The following PIK3C2B variants were observed in gnomAD, a reference collection of about 807,000 sequenced individuals.
PIK3C2B encodes phosphatidylinositol 4-phosphate 3-kinase C2 domain-containing subunit beta.
PIK3C2B carries 83 observed loss-of-function variants against 184.3 expected under a neutral mutation model. That is an observed-to-expected ratio of 0.45 (90% confidence interval 0.38 to 0.54). The LOEUF (loss-of-function observed/expected upper bound fraction) is 0.54, where lower values mean the gene tolerates loss of function less well. PIK3C2B is among the 20% of genes least tolerant of loss of function. PIK3C2B has a pLI of 0.00. For missense variants in PIK3C2B, 1,736 were observed against 2,113.5 expected (o/e 0.82, Z 3.50); for synonymous variants, 779 against 837.6 (o/e 0.93, Z 1.21).
intron 10 of PIK3C2B, chr1:204,456,306 TA>T (rs1350697726): frequency 1.7e-5 from 6 of 347,314 alleles, no homozygotes; most frequent in African/African-American, 2.1e-5. Flanking sequence ...TACTTAGCAT[TA>T]AAATGTCCTT....
Position 204,438,893 on chromosome 1 carries a change from G to GCA in PIK3C2B, c.3516+40_3516+41dup, listed in dbSNP as rs548441991. 1,542 of 1,543,302 alleles carry GCA rather than the reference G, an allele frequency of 1.0e-3. 9 individuals carry two copies. In the African/African-American group the frequency reaches 0.015, roughly 15 times the overall value. ...TTAAAGAGCTGTGTGCCGGCATCAG[G>GCA]CACACACACACACCAGACGCACTCC... On this transcript the variant is annotated intron_variant, in intron 23 of 32. Coordinates refer to ENST00000684373, the MANE Select transcript of PIK3C2B (RefSeq NM_001377334.1).
At position 204,460,384 on chromosome 1, in the gene PIK3C2B, G is replaced by A. The variant is rs767987737; in HGVS notation, c.1442C>T (p.Pro481Leu). 32 of 1,613,824 alleles carry A rather than the reference G, an allele frequency of 2.0e-5. No homozygotes were observed. The highest frequency in any genetic ancestry group is 2.7e-5 in the Non-Finnish European group (32 of 1,179,894). ...ATGGACGAGGTAGTTCAAGGTGGAG[G>A]GGCTCTGGTCATCATTCACCTGTAT... ...LARTVNDDQS[P>L]STLNYLVHLQ... Residue 481 changes from proline to leucine, a missense_variant, in exon 7 of 33, where the codon CCC becomes CTC. Transcript: ENST00000684373.
In PIK3C2B at chr1:204,494,729, G is replaced by A. The variant is rs1658258426; in HGVS notation, c.-458C>T. 6.6e-6 allele frequency: 1 copy of A among 152,206 alleles called. No individual in the cohort carries two copies. 9.4% of individuals were successfully genotyped at this position (152,206 alleles called of 1,614,324 possible). A position where few individuals can be genotyped will look rare whatever the true frequency, so the allele number is the denominator to read the frequency against. ...CTCCCGGACACCCGGCGCACTGCAC[G>A]GCGACGCGACGCTCGGCCAGACCCT... On this transcript the variant is annotated 5_prime_UTR_variant, in exon 1 of 33. Transcript: ENST00000684373.
chr1:204,430,661 GTTGT>G (rs143094894), intron 28 of PIK3C2B, among the ~76,000 whole-genome samples: 21,351 of 149,346 alleles, frequency 0.14, 1,970 homozygotes, highest in African/African-American at 0.27. Flanking sequence ...CATTTAAAAA[GTTGT>G]TTGTTTGTTT....
intron 4 of PIK3C2B, 110 bp downstream of exon 4, chr1:204,464,340 T>C: frequency 8.2e-7 from 1 of 1,216,206 alleles, no homozygotes; most frequent in Non-Finnish European, 1.2e-6. Flanking sequence ...AGGAGCATCC[T>C]CACTGCCCTT....
intron 12 of PIK3C2B, among the ~76,000 whole-genome samples, chr1:204,454,376 G>A (rs970659356): frequency 6.6e-6 from 1 of 151,814 alleles, no homozygotes; most frequent in Non-Finnish European, 1.5e-5. Context: ...CAGCTACTCG[G>A]GAGGCTGAGA....
intron 2 of PIK3C2B, 49 bp downstream of exon 2, chr1:204,468,821 T>A: frequency 6.8e-7 from 1 of 1,479,332 alleles, no homozygotes; most frequent in Non-Finnish European, 9.2e-7. Context: ...TCCCTGTTTC[T>A]GAAGGACATG....
chr1:204,433,815 A>T lies in PIK3C2B; in HGVS notation c.3821T>A (p.Leu1274His). 6.2e-7 allele frequency: 1 copy of T among 1,614,174 alleles called. No homozygotes were observed. The highest frequency in any genetic ancestry group is 8.5e-7 in the Non-Finnish European group (1 of 1,179,996). Reference protein sequence around the residue: ...AYNLIRKHTHLFLNLLGLMLS... With the variant: ...AYNLIRKHTHHFLNLLGLMLS... ...CACCAGGCCCAGAAGGTTGAGGAAG[A>T]GGTGGGTGTGCTTGCGAATGAGGTT... The change falls in exon 25 of 33, where the codon CTC (leucine) becomes CAC (histidine). Residue 1274 changes from leucine (L) to histidine (H), a missense_variant. Physicochemically the swap from Leu to His is moderately conservative, Grantham distance 99 (BLOSUM62 -3). Around this residue, in one of 8 missense-constraint regions of PIK3C2B, gnomAD observed 119 missense variants for 179.3 expected, o/e 0.66. Coordinates refer to ENST00000684373, the MANE Select transcript of PIK3C2B (RefSeq NM_001377334.1). This position sits in a 1 kb window ranked among gnomAD's most constrained non-coding sequence, Gnocchi z 5.0.
intron 31 of PIK3C2B, among the ~76,000 whole-genome samples, chr1:204,426,961 C>T (rs567425443): frequency 6.6e-6 from 1 of 152,068 alleles, no homozygotes; most frequent in Non-Finnish European, 1.5e-5. Context: ...CATAGTGAAA[C>T]CCGGTCTCTA....
intron 32 of PIK3C2B, 22 bp downstream of exon 32, chr1:204,425,590 AC>A: frequency 6.2e-7 from 1 of 1,613,606 alleles, no homozygotes; most frequent in Non-Finnish European, 8.5e-7. Flanking sequence ...CCCCTGCCCT[AC>A]CCCACCATTT....
intron 12 of PIK3C2B, among the ~76,000 whole-genome samples, chr1:204,452,498 C>T (rs112941002): frequency 2.0e-5 from 3 of 146,772 alleles, no homozygotes; most frequent in African/African-American, 7.6e-5. Context: ...GGCTGGCACC[C>T]CTTCTCTTGA....
chr1:204,437,220 C>T (rs1368114564), intron 23 of PIK3C2B, among the ~76,000 whole-genome samples: 1 of 151,928 alleles, frequency 6.6e-6, no homozygotes, highest in Non-Finnish European at 1.5e-5. Context: ...AACAGCTGGG[C>T]ACTGTGGCTC....
chr1:204,425,504 A>C (rs1467653698), intron 32 of PIK3C2B, 109 bp downstream of exon 32: 4 of 1,207,616 alleles, frequency 3.3e-6, no homozygotes, highest in Non-Finnish European at 4.9e-6. Context: ...CAGCAAGTAC[A>C]GCCATGTTCT....
rs1572341523 is a variant in PIK3C2B at position 204,454,777 on chromosome 1, T to G, written c.1958A>C (p.Tyr653Ser). 1 of 1,612,236 alleles carries G rather than the reference T, an allele frequency of 6.2e-7. No individual in the cohort carries two copies. The highest frequency in any genetic ancestry group is 8.5e-7 in the Non-Finnish European group (1 of 1,179,836). ...IIWATSYEDF[Y>S]LSCSLSHGGK... ...GCCATGGCTGAGGGAGCAGGAGAGG[T>G]AGAAATCTTCATAGCTATAAAAGAA... The change falls in exon 12 of 33, where the codon TAC becomes TCC. Residue 653 changes from tyrosine (Y) to serine (S), a missense_variant. Coordinates refer to ENST00000684373, the MANE Select transcript of PIK3C2B (RefSeq NM_001377334.1).
At position 204,427,642 on chromosome 1, in the gene PIK3C2B, A is replaced by G. The variant is rs1263690101; in HGVS notation, c.4587+6T>C. 2 of 1,591,476 alleles carry G rather than the reference A, an allele frequency of 1.3e-6. No homozygotes were observed. The highest frequency in any genetic ancestry group is 1.7e-6 in the Non-Finnish European group (2 of 1,159,448). ...GAAAAAAAATCACGGCTGTGCAGGC[A>G]CTTACCAAGCCCCGAATATGCATCA... is the stretch of plus-strand genomic sequence containing the variant. On this transcript the variant is annotated splice_donor_region_variant and intron_variant, in intron 31 of 32. Coordinates refer to ENST00000684373, the MANE Select transcript of PIK3C2B (RefSeq NM_001377334.1).
At chr1:204,434,054 C>T (rs886097102) in intron 24 of PIK3C2B, 105 bp from the exon 25 acceptor site, 11 of 877,948 alleles carry the variant, frequency 1.3e-5, no homozygotes, top group Admixed American at 2.1e-5. Flanking sequence ...CACGTGGACA[C>T]ACTGGATAGA....
At position 204,442,547 on chromosome 1, in the gene PIK3C2B, C is replaced by G. The variant is rs1299839519; in HGVS notation, c.3135G>C (p.Leu1045=). The G allele has an allele frequency of 3.2e-6, 5 of 1,554,502 alleles. No homozygotes were observed. Among genetic ancestry groups the G allele is most frequent in the Non-Finnish European group, 4.4e-6 (5 of 1,148,478 alleles). Reference sequence around the variant, plus strand: ...TCACCCTGGGCACAATTCCCTTAACCAGCAGACTGGGGCTGAGTGGCAAGC... The same window carrying G: ...TCACCCTGGGCACAATTCCCTTAACGAGCAGACTGGGGCTGAGTGGCAAGC... ...SCRLPLSPSL[L]VKGIVPRDCS... is the part of the protein sequence containing the mutation. Residue 1045 remains leucine (L), a synonymous_variant, in exon 20 of 33, where the codon CTG becomes CTC. Coordinates refer to ENST00000684373, the MANE Select transcript of PIK3C2B (RefSeq NM_001377334.1).
rs562236149 is a variant in PIK3C2B, at chr1:204,440,200, C to T, written c.3371G>A (p.Arg1124Gln). The change falls in exon 22 of 33, where the codon CGG becomes CAG. Residue 1124 changes from arginine to glutamine, a missense_variant. By Grantham distance (43) the Arg-to-Gln change is conservative (BLOSUM62 1). Around this residue, in one of 8 missense-constraint regions of PIK3C2B, gnomAD observed 289 missense variants for 380.4 expected, o/e 0.76. Transcript: ENST00000684373. Reference protein sequence around the residue: ...MVIFRCFSTGRGRGMVEMIPN... With the variant: ...MVIFRCFSTGQGRGMVEMIPN... ...CCCTACTCCCAACTGACCTCTGCCC[C>T]GGCCGGTGGAGAAGCAGCGGAAGAT... The T allele has an allele frequency of 1.9e-5, 31 of 1,611,940 alleles. No individual in the cohort carries two copies. The highest frequency in any genetic ancestry group is 2.5e-5 in the Non-Finnish European group (29 of 1,178,890).
intron 5 of PIK3C2B, among the ~76,000 whole-genome samples, chr1:204,461,374 T>G (rs1419329537): frequency 6.6e-6 from 1 of 152,046 alleles, no homozygotes; most frequent in Non-Finnish European, 1.5e-5. Flanking sequence ...TCTTCCTCTC[T>G]CCCAAATCAC....
Sources: gnomAD v4.1 joint callset for allele counts (sites outside exome capture counted in the v4.1 genomes callset) on GRCh38, gnomAD v4.1.1 for gene constraint, gnomAD v4.1.1 regional missense constraint, Gnocchi (gnomAD v3.1) non-coding constraint, MANE v1.5 for transcripts, NCBI Gene and HGNC (gene_info 2026-07-23, HGNC 2026-07-21) for gene names.